NARS2: variants seen among roughly 807,000 people sequenced by gnomAD.
The protein encoded by NARS2 is asparaginyl-tRNA synthetase.
In NARS2, 60 loss-of-function variants were observed where a neutral mutation model predicts 62.9. That is an observed-to-expected ratio of 0.95 (90% CI 0.77 to 1.18). The LOEUF (loss-of-function observed/expected upper bound fraction) is 1.18. NARS2 is among the 50% of genes most tolerant of loss of function. NARS2 has a pLI of 0.00. For synonymous variants in NARS2, 196 were observed against 200.0 expected, an observed-to-expected ratio of 0.98 and a Z score of 0.17; for missense variants, 619 against 576.4, an observed-to-expected ratio of 1.07 and a Z score of -0.76.
Position 78,570,821 on chromosome 11 carries a change from A to AAAT in NARS2, c.251+511_251+513dup, listed in dbSNP as rs570596058. ...GTGAGATGCCATTCCTAACCTCAGG[A>AAAT]AATTAAGAGTCTAGCAGGAGGATTC... On this transcript the variant is annotated intron_variant, in intron 2 of 13. Transcript: ENST00000281038. 5.9e-3 allele frequency among the ~76,000 whole-genome samples: 899 copies of AAAT among 152,324 alleles called. 8 individuals are homozygous for AAAT. The highest frequency in any genetic ancestry group is 0.021 in the African/African-American group (858 of 41,570).
At chr11:78,535,562 CTTTATT>C (rs1453310397) in intron 5 of NARS2, among the ~76,000 whole-genome samples, 1 of 150,968 alleles carries the variant, frequency 6.6e-6, no homozygotes, top group East Asian at 1.9e-4. Flanking sequence ...TTAATTTTTC[CTTTATT>C]TTTAATTATT....
chr11:78,551,087 T>G (rs1856087418), intron 5 of NARS2, among the ~76,000 whole-genome samples: 2 of 152,214 alleles, frequency 1.3e-5, no homozygotes, highest in Admixed American at 1.3e-4. Flanking sequence ...GGGCTGCTAC[T>G]GGGTACAGTT....
Position 78,528,871 on chromosome 11 carries a change from T to C in NARS2, c.660A>G (p.Ser220=). 6.2e-7 allele frequency: 1 copy of C among 1,612,484 alleles called. No individual in the cohort carries two copies. The highest frequency in any genetic ancestry group is 8.5e-7 in the Non-Finnish European group (1 of 1,179,054). Residue 220 remains serine (S), a synonymous_variant, in exon 6 of 14, where the codon TCA becomes TCG. Transcript: ENST00000281038. ...ACATCACTTCTAGATGAAGTTGTCC[T>C]GAGACAGTTAAGAAAGCAGGAACAT... ...FFNVPAFLTV[S]GQLHLEVMSG...
At chr11:78,448,609 C>A (rs1247399481) in intron 11 of NARS2, among the ~76,000 whole-genome samples, 2 of 152,080 alleles carry the variant, frequency 1.3e-5, no homozygotes, top group Non-Finnish European at 2.9e-5. Context: ...CTGTGCCCGG[C>A]AGTAATCACT....
chr11:78,557,946 C>A (rs560963439), intron 5 of NARS2, among the ~76,000 whole-genome samples: 1 of 151,712 alleles, frequency 6.6e-6, no homozygotes, highest in African/African-American at 2.4e-5. Flanking sequence ...AACTTTTTTA[C>A]TTGTTTCATT....
At chr11:78,457,499 A>G (rs1377607782) in intron 11 of NARS2, among the ~76,000 whole-genome samples, 1 of 152,202 alleles carries the variant, frequency 6.6e-6, no homozygotes, top group African/African-American at 2.4e-5. Context: ...CACTTCATAC[A>G]AATGGATTGA....
At chr11:78,548,455 AG>A (rs1855962649) in intron 5 of NARS2, among the ~76,000 whole-genome samples, 2 of 152,246 alleles carry the variant, frequency 1.3e-5, no homozygotes, top group Non-Finnish European at 2.9e-5. Flanking sequence ...AAAATGTATA[AG>A]CACCAGAATT....
intron 7 of NARS2, among the ~76,000 whole-genome samples, chr11:78,480,024 G>A (rs1293882474): frequency 1.3e-5 from 2 of 151,770 alleles, no homozygotes; most frequent in Admixed American, 6.6e-5. Context: ...TCAGCCAACT[G>A]AGTAACTGGG....
intron 11 of NARS2, among the ~76,000 whole-genome samples, chr11:78,458,137 CAAAGA>C (rs1858240295): frequency 6.6e-6 from 1 of 152,012 alleles, no homozygotes. Flanking sequence ...GTTCACAACA[CAAAGA>C]AATGAAAAAT....
At chr11:78,456,413 T>C (rs968443967) in intron 11 of NARS2, among the ~76,000 whole-genome samples, 3 of 152,212 alleles carry the variant, frequency 2.0e-5, no homozygotes, top group East Asian at 1.9e-4. Context: ...ACTTTCAATT[T>C]TGACAAAAAT....
intron 13 of NARS2, among the ~76,000 whole-genome samples, chr11:78,438,741 A>G (rs145439414): frequency 1.8e-4 from 28 of 152,346 alleles, no homozygotes; most frequent in African/African-American, 6.0e-4. Context: ...TTACAGATTT[A>G]ATTTGCATAT....
intron 6 of NARS2, among the ~76,000 whole-genome samples, chr11:78,501,021 G>A (rs981458193): frequency 1.3e-5 from 2 of 152,170 alleles, no homozygotes; most frequent in African/African-American, 4.8e-5. Flanking sequence ...GAGCCTGGGA[G>A]GTTGAGGCTG....
chr11:78,507,973 TAAAG>T (rs764022153), intron 6 of NARS2, among the ~76,000 whole-genome samples: 2 of 152,124 alleles, frequency 1.3e-5, no homozygotes, highest in Non-Finnish European at 2.9e-5. Flanking sequence ...TAAAGACACT[TAAAG>T]AACTAGAAGA....
At chr11:78,453,361 T>C (rs1284716342) in intron 11 of NARS2, among the ~76,000 whole-genome samples, 1 of 152,160 alleles carries the variant, frequency 6.6e-6, no homozygotes, top group Non-Finnish European at 1.5e-5. Flanking sequence ...GTGTTGGTAT[T>C]CAAGCTGAAC....
intron 7 of NARS2, among the ~76,000 whole-genome samples, chr11:78,485,072 C>T (rs993942356): frequency 6.6e-6 from 1 of 152,186 alleles, no homozygotes; most frequent in African/African-American, 2.4e-5. Flanking sequence ...AGAATGAGTT[C>T]GTGTCCTTTG....
intron 5 of NARS2, among the ~76,000 whole-genome samples, chr11:78,542,150 C>T (rs955271212): frequency 6.6e-6 from 1 of 152,116 alleles, no homozygotes; most frequent in Non-Finnish European, 1.5e-5. Flanking sequence ...ACCCACTCAG[C>T]CCTGAGAAAG....
intron 6 of NARS2, among the ~76,000 whole-genome samples, chr11:78,494,613 T>C (rs928868602): frequency 2.0e-5 from 3 of 152,122 alleles, no homozygotes; most frequent in African/African-American, 7.2e-5. Context: ...ATTTTGGTTC[T>C]ACAGCTACCT....
intron 7 of NARS2, among the ~76,000 whole-genome samples, chr11:78,487,755 C>T (rs1859641883): frequency 6.6e-6 from 1 of 151,996 alleles, no homozygotes; most frequent in Non-Finnish European, 1.5e-5. Flanking sequence ...TGGATTTATT[C>T]TCAAACACTA....
At chr11:78,445,667 T>C (rs2135147354) in intron 11 of NARS2, among the ~76,000 whole-genome samples, 1 of 152,224 alleles carries the variant, frequency 6.6e-6, no homozygotes, top group African/African-American at 2.4e-5. Flanking sequence ...TGTTTATTTG[T>C]GGCTGGGCAC....
Sources: allele counts gnomAD v4.1 joint callset (sites outside exome capture counted in the v4.1 genomes callset), GRCh38; gene constraint gnomAD v4.1.1; transcripts MANE v1.5; gene names NCBI Gene and HGNC (gene_info 2026-07-23, HGNC 2026-07-21).